BORCS5: variants seen among roughly 807,000 people sequenced by gnomAD.
The protein encoded by BORCS5 is BLOC-1-related complex subunit 5.
BORCS5 carries 17 observed loss-of-function variants against 22.1 expected under a neutral mutation model. That is an observed-to-expected ratio of 0.77 (90% CI 0.53 to 1.15). The LOEUF (loss-of-function observed/expected upper bound fraction) is 1.15, where lower values mean the gene tolerates loss of function less well. BORCS5 is among the 50% of genes most tolerant of loss of function. The pLI is 0.00. For missense variants in BORCS5, 247 were observed against 253.2 expected, an observed-to-expected ratio of 0.98 and a Z score of 0.17; for synonymous variants, 117 against 99.8, an observed-to-expected ratio of 1.17 and a Z score of -1.03.
chr12:12,401,673 A>G (rs531501112), intron 2 of BORCS5, among the ~76,000 whole-genome samples: 85 of 152,290 alleles, frequency 5.6e-4, no homozygotes, highest in African/African-American at 1.5e-3. Context: ...TAAAGTATAC[A>G]TTTACTTTAT....
In BORCS5 at chr12:12,421,740, G is replaced by A. The variant is rs376947791; in HGVS notation, c.203-13888G>A. 7.9e-5 allele frequency among the ~76,000 whole-genome samples: 12 copies of A among 152,286 alleles called. No homozygotes were observed. In the East Asian group the frequency reaches 1.2e-3, roughly 15 times the overall value. On this transcript the variant is annotated intron_variant, in intron 2 of 3. Coordinates refer to ENST00000314565, the MANE Select transcript of BORCS5 (RefSeq NM_058169.6). The stretch of plus-strand genomic sequence containing the variant: ...GCCTCAATTTCAGAGCCTATTATTG[G>A]TGTATTAAGAGATTCATCTTCTTCC...
chr12:12,434,415 A>G (rs1247108435), intron 2 of BORCS5, among the ~76,000 whole-genome samples: 1 of 152,010 alleles, frequency 6.6e-6, no homozygotes, highest in Non-Finnish European at 1.5e-5. Context: ...TAGGGCGATC[A>G]CTGGGATCCC....
At position 12,406,176 on chromosome 12, in the gene BORCS5, A is replaced by G. The variant is rs560230401; in HGVS notation, c.203-29452A>G. 1.2e-3 allele frequency among the ~76,000 whole-genome samples: 177 copies of G among 152,316 alleles called. 1 individual carries two copies. Among genetic ancestry groups the G allele is most frequent in the African/African-American group, 3.6e-3 (148 of 41,570 alleles). ...TATTTACAGTCTGGAGTGGGTGGCA[A>G]TTTGCTTTATTGCCAACTCATTGTG... On this transcript the variant is annotated intron_variant, in intron 2 of 3. Transcript: ENST00000314565.
At chr12:12,385,597 A>G (rs113115954) in intron 2 of BORCS5, among the ~76,000 whole-genome samples, 1 of 149,898 alleles carries the variant, frequency 6.7e-6, no homozygotes, top group Non-Finnish European at 1.5e-5. Context: ...GCAACCTCCA[A>G]CTCCCAGGTT....
intron 2 of BORCS5, among the ~76,000 whole-genome samples, chr12:12,413,857 C>T (rs1249534198): frequency 0.016 from 964 of 61,586 alleles, 1 homozygote; most frequent in African/African-American, 0.026. Flanking sequence ...ACCTCCCTCC[C>T]GGACGGGGTG....
intron 2 of BORCS5, among the ~76,000 whole-genome samples, chr12:12,392,996 G>A (rs1020038473): frequency 1.4e-4 from 21 of 152,066 alleles, no homozygotes; most frequent in African/African-American, 4.1e-4. Flanking sequence ...CACTTTAGGA[G>A]GCTGAGGTGG....
intron 2 of BORCS5, among the ~76,000 whole-genome samples, chr12:12,371,106 A>G (rs563483304): frequency 4.2e-4 from 64 of 152,224 alleles, no homozygotes; most frequent in Non-Finnish European, 5.3e-4. Flanking sequence ...ATTTTCTGGC[A>G]CAATATAATG....
intron 2 of BORCS5, among the ~76,000 whole-genome samples, chr12:12,414,986 G>A (rs1273312797): frequency 2.4e-5 from 3 of 126,602 alleles, no homozygotes; most frequent in Non-Finnish European, 3.6e-5. Context: ...CTTCCTAGAT[G>A]GGATGGGGGT....
At chr12:12,396,093 T>G (rs1030813224) in intron 2 of BORCS5, among the ~76,000 whole-genome samples, 1 of 152,074 alleles carries the variant, frequency 6.6e-6, no homozygotes, top group Non-Finnish European at 1.5e-5. Context: ...GTTCAAGCGA[T>G]TCTCCTGCCT....
chr12:12,381,011 A>ATTTT lies in BORCS5; in HGVS notation c.202+19677_202+19680dup, dbSNP rs530930947. On this transcript the variant is annotated intron_variant, in intron 2 of 3. Coordinates refer to ENST00000314565, the MANE Select transcript of BORCS5 (RefSeq NM_058169.6). ...TGACTTTCTTTTCATTTTTTGGGGG[A>ATTTT]TTTTTTTTTTTTTTTTTTGAGACCG... Among the ~76,000 whole-genome samples the ATTTT allele has an allele frequency of 3.3e-5, 4 of 122,206 alleles. 1 individual carries two copies. Among genetic ancestry groups the ATTTT allele is most frequent in the African/African-American group, 1.2e-4 (4 of 33,584 alleles). 80.2% of individuals were successfully genotyped at this position (122,206 alleles called of 152,430 possible).
intron 2 of BORCS5, among the ~76,000 whole-genome samples, chr12:12,413,002 G>A (rs1167986488): frequency 7.3e-6 from 1 of 137,234 alleles, no homozygotes; most frequent in African/African-American, 2.7e-5. Context: ...AAGGTCAGCA[G>A]ATAAACAAGT....
intron 3 of BORCS5, among the ~76,000 whole-genome samples, chr12:12,442,302 C>T (rs1471187280): frequency 6.6e-6 from 1 of 152,056 alleles, no homozygotes; most frequent in Non-Finnish European, 1.5e-5. Flanking sequence ...TTATTTCTGC[C>T]TCATTCTAGT....
intron 3 of BORCS5, 77 bp downstream of exon 3, chr12:12,435,862 T>A: frequency 7.0e-7 from 1 of 1,428,176 alleles, no homozygotes; most frequent in Non-Finnish European, 9.6e-7. Flanking sequence ...TCTTAAGACT[T>A]GACATTTGTC....
At position 12,435,801 on chromosome 12, in the gene BORCS5, A is replaced by G. The variant is rs2136125195; in HGVS notation, c.360+16A>G. 1 of 1,603,316 alleles carries G rather than the reference A, an allele frequency of 6.2e-7. No homozygotes were observed. Among genetic ancestry groups the G allele is most frequent in the East Asian group, 2.2e-5 (1 of 44,496 alleles). On this transcript the variant is annotated intron_variant, in intron 3 of 3. Coordinates refer to ENST00000314565, the MANE Select transcript of BORCS5 (RefSeq NM_058169.6). ...AATCAAAGAGGTAATGTGCTGCGGG[A>G]AAATAACATTGCTGACTGGTTGTTG...
intron 3 of BORCS5, among the ~76,000 whole-genome samples, chr12:12,444,733 A>T (rs1942749212): frequency 6.6e-6 from 1 of 152,184 alleles, no homozygotes; most frequent in South Asian, 2.1e-4. Context: ...AAACCAAGTG[A>T]CATTAGGAAC....
chr12:12,414,957 C>A (rs1264438601), intron 2 of BORCS5, among the ~76,000 whole-genome samples: 1 of 132,860 alleles, frequency 7.5e-6, no homozygotes, highest in African/African-American at 2.8e-5. Context: ...GATGGGCGGC[C>A]GGGCAGAGAC....
At chr12:12,405,483 CTG>C (rs1941576610) in intron 2 of BORCS5, among the ~76,000 whole-genome samples, 1 of 152,132 alleles carries the variant, frequency 6.6e-6, no homozygotes, top group African/African-American at 2.4e-5. Flanking sequence ...ATTTCCATCA[CTG>C]TGATTTTTTT....
chr12:12,414,112 A>AC (rs1330704540), intron 2 of BORCS5, among the ~76,000 whole-genome samples: 13 of 47,454 alleles, frequency 2.7e-4, no homozygotes, highest in Middle Eastern at 0.016. Flanking sequence ...CGGGGGGCTG[A>AC]CCCCCCCCAC....
intron 2 of BORCS5, among the ~76,000 whole-genome samples, chr12:12,425,236 A>T (rs1373882002): frequency 6.6e-6 from 1 of 152,252 alleles, no homozygotes; most frequent in Admixed American, 6.5e-5. Flanking sequence ...GAAAGTAATT[A>T]TAATTCATCA....
Sources: gnomAD v4.1 joint callset for allele counts (sites outside exome capture counted in the v4.1 genomes callset) on GRCh38, gnomAD v4.1.1 for gene constraint, MANE v1.5 for transcripts, NCBI Gene and HGNC (gene_info 2026-07-23, HGNC 2026-07-21) for gene names.